Variants in PCGF6 observed in about 807,000 individuals in gnomAD.
PCGF6 encodes the protein polycomb group ring finger 6.
PCGF6 carries 24 observed loss-of-function variants against 45.5 expected under a neutral mutation model. The ratio of observed to expected loss-of-function variants is 0.53; its 90% confidence interval spans 0.38 to 0.74. PCGF6 has a LOEUF of 0.74. Ranked by LOEUF, PCGF6 falls within the 30% of genes least tolerant of loss-of-function variation. PCGF6 has a pLI of 0.00. For synonymous variants in PCGF6, 152 were observed against 162.1 expected (o/e 0.94, Z 0.47); for missense variants, 356 against 443.2 (o/e 0.80, Z 1.77).
chr10:103,347,165 C>T, intron 5 of PCGF6, 73 bp downstream of exon 5: 3 of 1,215,976 alleles, frequency 2.5e-6, no homozygotes, highest in Admixed American at 2.0e-5. Context: ...CCAAAAGGAA[C>T]TTCAAAGGGC....
At chr10:103,348,608 G>T in intron 3 of PCGF6, 108 bp downstream of exon 3, 1 of 826,114 alleles carries the variant, frequency 1.2e-6, no homozygotes, top group Non-Finnish European at 1.8e-6. Context: ...TATGGCATTA[G>T]CCACTGAACC....
intron 6 of PCGF6, among the ~76,000 whole-genome samples, chr10:103,340,198 A>AATAT (rs1191965991): frequency 1.0e-3 from 90 of 87,872 alleles, no homozygotes; most frequent in Middle Eastern, 6.9e-3. Flanking sequence ...AAAAAAAAAA[A>AATAT]ATATATATAT....
At chr10:103,320,884 AAGTC>A (rs551096364) in intron 8 of PCGF6, among the ~76,000 whole-genome samples, 32 of 152,322 alleles carry the variant, frequency 2.1e-4, no homozygotes, top group Admixed American at 1.4e-3. Context: ...GGTTCAAAGA[AAGTC>A]AGCATAGCAG....
intron 7 of PCGF6, among the ~76,000 whole-genome samples, chr10:103,331,478 G>A (rs780902423): frequency 6.6e-6 from 1 of 151,988 alleles, no homozygotes; most frequent in Non-Finnish European, 1.5e-5. Context: ...GGCTAGTCTC[G>A]AACTCCTGAA....
intron 8 of PCGF6, among the ~76,000 whole-genome samples, chr10:103,317,687 A>G (rs2093181018): frequency 6.6e-6 from 1 of 152,112 alleles, no homozygotes; most frequent in Non-Finnish European, 1.5e-5. Flanking sequence ...ACAAACTTAA[A>G]AAAAATTGTA....
rs1162337106 is a variant in PCGF6, at chr10:103,338,026, TGC to T, written c.783-4076_783-4075del. Among the ~76,000 whole-genome samples, 25 of 42,614 alleles carry T rather than the reference TGC, an allele frequency of 5.9e-4. 11 individuals are homozygous for T. The highest frequency in any genetic ancestry group is 3.1e-3 in the South Asian group (2 of 642). The allele number at this position is 42,614 out of a possible 152,430, so 28.0% of individuals were successfully genotyped here. The stretch of plus-strand genomic sequence containing the variant: ...TTGCAGTGAGCCGAGATCCCGCCAC[TGC>T]ACTCCAGCCTGGGTGACAGAGCGAG... On this transcript the variant is annotated intron_variant, in intron 6 of 9. Coordinates refer to ENST00000369847, the MANE Select transcript of PCGF6 (RefSeq NM_001011663.2).
At chr10:103,306,825 C>T (rs2093139793) in intron 9 of PCGF6, among the ~76,000 whole-genome samples, 2 of 152,314 alleles carry the variant, frequency 1.3e-5, no homozygotes, top group South Asian at 4.1e-4. Flanking sequence ...AACTCAAGGC[C>T]AGGTGCAGGG....
intron 9 of PCGF6, among the ~76,000 whole-genome samples, chr10:103,308,760 C>G (rs1453524090): frequency 6.6e-6 from 1 of 151,848 alleles, no homozygotes; most frequent in Non-Finnish European, 1.5e-5. Flanking sequence ...GCAGTCCCAC[C>G]AAGCTGGGAG....
At chr10:103,323,742 G>A (rs2093206332) in intron 8 of PCGF6, among the ~76,000 whole-genome samples, 2 of 150,592 alleles carry the variant, frequency 1.3e-5, no homozygotes, top group Non-Finnish European at 1.5e-5. Context: ...ACAGGTGTGC[G>A]CCACCATACC....
At chr10:103,341,941 G>GTT (rs200968246) in intron 6 of PCGF6, among the ~76,000 whole-genome samples, 2 of 150,746 alleles carry the variant, frequency 1.3e-5, no homozygotes, top group Non-Finnish European at 1.5e-5. Flanking sequence ...CCATTAATAT[G>GTT]TTCTTTTTTT....
At chr10:103,304,650 G>A (rs2093131396) in intron 9 of PCGF6, among the ~76,000 whole-genome samples, 1 of 98,696 alleles carries the variant, frequency 1.0e-5, no homozygotes, top group Admixed American at 1.4e-4. Flanking sequence ...CCGACACCCA[G>A]CCCCACTTTT....
chr10:103,342,718 A>G (rs1179171901), intron 6 of PCGF6, among the ~76,000 whole-genome samples: 5 of 152,116 alleles, frequency 3.3e-5, no homozygotes, highest in Admixed American at 6.6e-5. Flanking sequence ...CATCACACAC[A>G]TTATTATATT....
intron 5 of PCGF6, among the ~76,000 whole-genome samples, chr10:103,346,708 T>G (rs1263290217): frequency 1.3e-5 from 2 of 152,188 alleles, no homozygotes; most frequent in African/African-American, 4.8e-5. Flanking sequence ...GGCAGGAGAA[T>G]TGCTCAAACC....
intron 8 of PCGF6, among the ~76,000 whole-genome samples, chr10:103,320,687 T>A (rs1412769404): frequency 1.3e-5 from 2 of 151,094 alleles, no homozygotes; most frequent in Non-Finnish European, 2.9e-5. Flanking sequence ...TGAAACTTTG[T>A]CTCAAAAAAA....
Position 103,350,872 on chromosome 10 carries a change from C to A in PCGF6, c.195G>T (p.Glu65Asp), listed in dbSNP as rs1228375680. Residue 65 changes from glutamate to aspartate, a missense_variant, in exon 1 of 10, where the codon GAG (glutamate) becomes GAT (aspartate). By Grantham distance (45) the Glu-to-Asp change is conservative. Around this residue, in one of 2 missense-constraint regions of PCGF6, gnomAD observed 307 missense variants for 350.1 expected, o/e 0.88. Transcript: ENST00000369847. ...TGAAGCGGCCCAGGCTGCGCTCCGGCTCCAGCTCAGGGGGCCGGGAGCCGG... is the reference window on the plus strand; with the variant it reads ...TGAAGCGGCCCAGGCTGCGCTCCGGATCCAGCTCAGGGGGCCGGGAGCCGG... ...GCSGSRPPEL[E>D]PERSLGRFRG... The A allele has an allele frequency of 6.5e-7, 1 of 1,539,154 alleles. No homozygotes were observed.
At chr10:103,316,137 C>A (rs1349904884) in intron 8 of PCGF6, among the ~76,000 whole-genome samples, 2 of 151,884 alleles carry the variant, frequency 1.3e-5, no homozygotes, top group Non-Finnish European at 2.9e-5. Context: ...GTCACCTCTG[C>A]TTCCTCTTTC....
At chr10:103,347,586 A>C in intron 3 of PCGF6, 136 bp from the exon 4 acceptor site, 1 of 664,618 alleles carries the variant, frequency 1.5e-6, no homozygotes. Context: ...TAGCATTTAC[A>C]GTTCCTAAAA....
In PCGF6 at chr10:103,306,657, C is replaced by T. The variant is rs185646432; in HGVS notation, c.997-2696G>A. Among the ~76,000 whole-genome samples the T allele has an allele frequency of 4.6e-5, 7 of 152,320 alleles. No individual in the cohort carries two copies. The East Asian group carries it at 1.3e-3, about 29-fold the overall frequency. ...GTGTTCCTGGCAATTACAGTAAAAA[C>T]TCACCAGAATTCTAGAAAAAGGTTC... On this transcript the variant is annotated intron_variant, in intron 9 of 9. Coordinates refer to ENST00000369847, the MANE Select transcript of PCGF6 (RefSeq NM_001011663.2).
At chr10:103,315,704 G>A (rs570951056) in intron 8 of PCGF6, among the ~76,000 whole-genome samples, 1 of 151,858 alleles carries the variant, frequency 6.6e-6, no homozygotes, top group Non-Finnish European at 1.5e-5. Context: ...ACAGGGTCTC[G>A]GTATATTGCC....
Sources: gnomAD v4.1 joint callset for allele counts (sites outside exome capture counted in the v4.1 genomes callset) on GRCh38, gnomAD v4.1.1 for gene constraint, gnomAD v4.1.1 regional missense constraint, MANE v1.5 for transcripts, NCBI Gene and HGNC (gene_info 2026-07-23, HGNC 2026-07-21) for gene names.